The following SIAH3 variants were observed in gnomAD, a reference collection of about 807,000 sequenced individuals.
The protein encoded by SIAH3 is seven in absentia homolog 3.
In SIAH3, 9 loss-of-function variants were observed where a neutral mutation model predicts 12.6. That is an observed-to-expected ratio of 0.72 (90% CI 0.43 to 1.25). The LOEUF is 1.25. Among genes scored for constraint, SIAH3 ranks in the 50% most tolerant of loss-of-function variants. The pLI, the probability that SIAH3 is intolerant of heterozygous loss-of-function variation, is 0.00. For missense variants in SIAH3, 390 were observed against 365.4 expected, an observed-to-expected ratio of 1.07 and a Z score of -0.55; for synonymous variants, 154 against 151.1, an observed-to-expected ratio of 1.02 and a Z score of -0.14.
At chr13:45,851,431 C>T in intron 1 of SIAH3, 64 bp downstream of exon 1, 1 of 1,599,258 alleles carries the variant, frequency 6.3e-7, no homozygotes, top group Admixed American at 1.7e-5. Context: ...CGGAGGGTCG[C>T]TGCCGCCTCC....
chr13:45,831,156 G>A (rs1250325569), intron 1 of SIAH3, among the ~76,000 whole-genome samples: 2 of 151,610 alleles, frequency 1.3e-5, no homozygotes, highest in East Asian at 3.9e-4. Flanking sequence ...TCCAGCCTGG[G>A]TGACAGAGTG....
intron 1 of SIAH3, among the ~76,000 whole-genome samples, chr13:45,809,575 C>T (rs1950609651): frequency 6.6e-6 from 1 of 152,210 alleles, no homozygotes; most frequent in Admixed American, 6.5e-5. Flanking sequence ...AGACCCCATA[C>T]TGCTTACCCA....
intron 1 of SIAH3, among the ~76,000 whole-genome samples, chr13:45,806,541 C>T (rs983475151): frequency 6.6e-6 from 1 of 152,042 alleles, no homozygotes; most frequent in Non-Finnish European, 1.5e-5. Context: ...ATAAAGATGG[C>T]ACCAATAGAC....
intron 1 of SIAH3, among the ~76,000 whole-genome samples, chr13:45,824,188 A>T (rs1950665740): frequency 6.6e-6 from 1 of 152,240 alleles, no homozygotes; most frequent in Non-Finnish European, 1.5e-5. Flanking sequence ...AACTTCAGTT[A>T]AAAAATTATA....
chr13:45,804,986 A>T (rs1002926699), intron 1 of SIAH3, among the ~76,000 whole-genome samples: 3 of 150,912 alleles, frequency 2.0e-5, no homozygotes, highest in African/African-American at 7.3e-5. Flanking sequence ...ACACACACAC[A>T]CACACACACA....
intron 1 of SIAH3, among the ~76,000 whole-genome samples, chr13:45,833,081 G>T (rs898375796): frequency 2.6e-5 from 4 of 152,198 alleles, no homozygotes; most frequent in Non-Finnish European, 5.9e-5. Context: ...CTGGGAAAGA[G>T]GTGACAAATT....
At chr13:45,785,227 CAG>C in intron 1 of SIAH3, among the ~76,000 whole-genome samples, 1 of 152,208 alleles carries the variant, frequency 6.6e-6, no homozygotes, top group Non-Finnish European at 1.5e-5. Flanking sequence ...CTAGGTCACA[CAG>C]GGGAGGTGGC....
intron 1 of SIAH3, among the ~76,000 whole-genome samples, chr13:45,805,146 T>C (rs1461220140): frequency 1.3e-5 from 2 of 152,096 alleles, no homozygotes; most frequent in Non-Finnish European, 1.5e-5. Flanking sequence ...AAAATGGCCA[T>C]ACTGCCCAAA....
At chr13:45,816,725 C>A (rs1267109601) in intron 1 of SIAH3, among the ~76,000 whole-genome samples, 1 of 152,162 alleles carries the variant, frequency 6.6e-6, no homozygotes, top group South Asian at 2.1e-4. Context: ...ATTTAACTGC[C>A]CCTCACCTGC....
At chr13:45,786,659 G>C (rs572792107) in intron 1 of SIAH3, among the ~76,000 whole-genome samples, 13 of 152,334 alleles carry the variant, frequency 8.5e-5, no homozygotes, top group Non-Finnish European at 1.6e-4. Flanking sequence ...ACCTCGAGAG[G>C]GCATTTCCAT....
In SIAH3 at chr13:45,851,518, C is replaced by A. The variant is rs761394379; in HGVS notation, c.112G>T (p.Val38Phe). ...ACCTTTAGGTTGTGTGTGGGGTTGACGACACAGACAAGTTGCCCGGCAGCG... is the reference window on the plus strand; with the variant it reads ...ACCTTTAGGTTGTGTGTGGGGTTGAAGACACAGACAAGTTGCCCGGCAGCG... ...FSAAGQLVCV[V>F]NPTHNLKYVS... The change falls in exon 1 of 2, where the codon GTC becomes TTC. Residue 38 changes from valine to phenylalanine, a missense_variant. Physicochemically the swap from Val to Phe is conservative, Grantham distance 50. Transcript: ENST00000400405. The A allele has an allele frequency of 1.2e-6, 2 of 1,614,068 alleles. No individual in the cohort carries two copies. Among genetic ancestry groups the A allele is most frequent in the East Asian group, 2.2e-5 (1 of 44,876 alleles).
intron 1 of SIAH3, among the ~76,000 whole-genome samples, chr13:45,840,717 G>C (rs1950736985): frequency 6.6e-6 from 1 of 152,174 alleles, no homozygotes; most frequent in African/African-American, 2.4e-5. Context: ...GAATAAGACA[G>C]GGTCCCAGCT....
rs1267111222 is a variant in SIAH3 at position 45,781,291 on chromosome 13, T to A, written c.*2092A>T. ...CACCTGTGATGCTACACAAATGCTT[T>A]CAAAGTGGTTGAGTCTCAAAAACCA... On this transcript the variant is annotated 3_prime_UTR_variant, in exon 2 of 2. Transcript: ENST00000400405. 6.6e-6 allele frequency: 1 copy of A among 152,458 alleles called. No individual in the cohort carries two copies. Among genetic ancestry groups the A allele is most frequent in the Non-Finnish European group, 1.5e-5 (1 of 68,044 alleles). The allele number at this position is 152,458 out of a possible 1,614,324, so 9.4% of individuals were successfully genotyped here. A position where few individuals can be genotyped will look rare whatever the true frequency, so the allele number is the denominator to read the frequency against.
intron 1 of SIAH3, among the ~76,000 whole-genome samples, chr13:45,793,681 G>T (rs9534218): frequency 2.6e-5 from 4 of 151,934 alleles, no homozygotes; most frequent in Non-Finnish European, 5.9e-5. Context: ...CAATTCAACC[G>T]CTTCTCTTCA....
intron 1 of SIAH3, among the ~76,000 whole-genome samples, chr13:45,827,603 T>C (rs1950683444): frequency 6.6e-6 from 1 of 152,206 alleles, no homozygotes; most frequent in Admixed American, 6.5e-5. Context: ...ACCCTAGAGC[T>C]GGATTCCTTT....
In SIAH3 at chr13:45,779,021, C is replaced by G. The variant is rs1950494376; in HGVS notation, c.*4362G>C. On this transcript the variant is annotated 3_prime_UTR_variant, in exon 2 of 2. Transcript: ENST00000400405. ...CAACTGGCTTTCTAGGGAGAAAAAT[C>G]CCTGTCTAGTAGCATTTGCTAATTT... is the stretch of plus-strand genomic sequence containing the variant. The G allele has an allele frequency of 6.6e-6, 1 of 152,100 alleles. No homozygotes were observed. Among genetic ancestry groups the G allele is most frequent in the Non-Finnish European group, 1.5e-5 (1 of 68,026 alleles). The allele number at this position is 152,100 out of a possible 1,614,324, so 9.4% of individuals were successfully genotyped here. A position where few individuals can be genotyped will look rare whatever the true frequency, so the allele number is the denominator to read the frequency against.
intron 1 of SIAH3, among the ~76,000 whole-genome samples, chr13:45,832,181 GT>G (rs1200805045): frequency 6.6e-6 from 1 of 152,258 alleles, no homozygotes; most frequent in Non-Finnish European, 1.5e-5. Context: ...AATATATTCT[GT>G]ATTGTGGTAA....
chr13:45,806,148 A>G (rs1264280917), intron 1 of SIAH3, among the ~76,000 whole-genome samples: 1 of 152,180 alleles, frequency 6.6e-6, no homozygotes, highest in Non-Finnish European at 1.5e-5. Flanking sequence ...CACTGTGGAA[A>G]GCAGTTTGGA....
intron 1 of SIAH3, among the ~76,000 whole-genome samples, chr13:45,845,229 T>C (rs1232794012): frequency 6.6e-6 from 1 of 150,922 alleles, no homozygotes; most frequent in Admixed American, 6.6e-5. Context: ...GAAGGTGCAT[T>C]ATCACAATGT....
Sources: allele counts gnomAD v4.1 joint callset (sites outside exome capture counted in the v4.1 genomes callset), GRCh38; gene constraint gnomAD v4.1.1; transcripts MANE v1.5; gene names NCBI Gene and HGNC (gene_info 2026-07-23, HGNC 2026-07-21).